The following KANK2 variants were observed in gnomAD, a reference collection of about 807,000 sequenced individuals.
KANK2 encodes the protein KN motif and ankyrin repeat domains 2, also known as KN motif and ankyrin repeat domain-containing protein 2.
Under a neutral mutation model 74.6 loss-of-function variants are expected in KANK2, and 41 were observed. That is an observed-to-expected ratio of 0.55 (90% CI 0.43 to 0.71). The LOEUF (loss-of-function observed/expected upper bound fraction) is 0.71. Among genes scored for constraint, KANK2 ranks in the 30% least tolerant of loss-of-function variants. The pLI, the probability that KANK2 is intolerant of heterozygous loss-of-function variation, is 0.00. For synonymous variants in KANK2, 537 were observed against 519.0 expected, an observed-to-expected ratio of 1.03 and a Z score of -0.47; for missense variants, 1,148 against 1,196.4, an observed-to-expected ratio of 0.96 and a Z score of 0.60.
intron 4 of KANK2, among the ~76,000 whole-genome samples, chr19:11,182,367 A>G (rs1471735373): frequency 6.6e-6 from 1 of 151,888 alleles, no homozygotes; most frequent in Non-Finnish European, 1.5e-5. Flanking sequence ...AAAATTAAAA[A>G]GTTAGCCAGG....
chr19:11,186,351 G>A (rs34797640), intron 4 of KANK2, among the ~76,000 whole-genome samples: 9,996 of 151,902 alleles, frequency 0.066, 378 homozygotes, highest in Admixed American at 0.09. Context: ...TCGCGCCACC[G>A]CACTCCAGCC....
At position 11,193,463 on chromosome 19, in the gene KANK2, A is replaced by T. The variant is rs1286912171; in HGVS notation, c.617T>A (p.Val206Glu). The T allele has an allele frequency of 1.2e-6, 2 of 1,611,444 alleles. No homozygotes were observed. Among genetic ancestry groups the T allele is most frequent in the Non-Finnish European group, 1.7e-6 (2 of 1,179,836 alleles). ...CACCTGGAGCACAGGGATCAGCTTC[A>T]CCTGCTCCTCCAGCTGCCGCAGCTT... ...LRKLRQLEEQ[V>E]KLIPVLQVKL... The change falls in exon 4 of 13, where the codon GTG becomes GAG. Residue 206 changes from valine (V) to glutamate (E), a missense_variant. Coordinates refer to ENST00000586659, the MANE Select transcript of KANK2 (RefSeq NM_001136191.3). The surrounding 1 kb of genome is among the most constrained non-coding windows in gnomAD (Gnocchi z 9.6).
At position 11,191,510 on chromosome 19, in the gene KANK2, C is replaced by T. The variant is rs568411272; in HGVS notation, c.1249+1321G>A. Among the ~76,000 whole-genome samples, 15 of 152,350 alleles carry T rather than the reference C, an allele frequency of 9.8e-5. No individual in the cohort carries two copies. The South Asian group carries it at 3.1e-3, about 32-fold the overall frequency. The stretch of plus-strand genomic sequence containing the variant: ...AGGCCACAGGGCTTGGGTGGGGCTC[C>T]CCTACCCCCGGCGTCCATGGCTAGG... On this transcript the variant is annotated intron_variant, in intron 4 of 12. Coordinates refer to ENST00000586659, the MANE Select transcript of KANK2 (RefSeq NM_001136191.3).
At position 11,193,888 on chromosome 19, in the gene KANK2, C is replaced by T; in HGVS notation, c.192G>A (p.Val64=). ...EKGHTLRRVA[V]QRRPRLSSLP... ...GCGAGCTCAGGCGGGGGCGGCGCTG[C>T]ACTGCCACGCGTCGCAGCGTGTGGC... is the stretch of plus-strand genomic sequence containing the variant. The change falls in exon 4 of 13, where the codon GTG becomes GTA. Residue 64 remains valine (V), a synonymous_variant. Transcript: ENST00000586659. The surrounding 1 kb of genome is among the most constrained non-coding windows in gnomAD (Gnocchi z 9.6). 6.2e-7 allele frequency: 1 copy of T among 1,613,686 alleles called. No homozygotes were observed. The highest frequency in any genetic ancestry group is 1.1e-5 in the South Asian group (1 of 91,082).
rs1555820663 is a variant in KANK2, at chr19:11,193,539, T to C, written c.541A>G (p.Ser181Gly). ...CGCACGTGGGCCAGGTGCCCGGCAC[T>C]GGGAGGCACCGGTGTGGACAGTCCT... ...SSGLSTPVPPSAGHLAHVREQ... is the reference protein window; with the variant it reads ...SSGLSTPVPPGAGHLAHVREQ... The change falls in exon 4 of 13, where the codon AGT becomes GGT. Residue 181 changes from serine to glycine, a missense_variant. By Grantham distance (56) the Ser-to-Gly change is moderately conservative (BLOSUM62 0). Transcript: ENST00000586659. This position sits in a 1 kb window ranked among gnomAD's most constrained non-coding sequence, Gnocchi z 9.6. 5.6e-6 allele frequency: 9 copies of C among 1,606,096 alleles called. No individual in the cohort carries two copies. The Middle Eastern group carries it at 9.9e-4, about 177-fold the overall frequency.
intron 4 of KANK2, among the ~76,000 whole-genome samples, chr19:11,181,400 C>T (rs1015509256): frequency 2.0e-5 from 3 of 151,872 alleles, no homozygotes; most frequent in African/African-American, 4.8e-5. Flanking sequence ...GAGCCAACCA[C>T]CATGCCCGGC....
At chr19:11,185,815 G>A (rs1040072511) in intron 4 of KANK2, among the ~76,000 whole-genome samples, 3 of 152,046 alleles carry the variant, frequency 2.0e-5, no homozygotes, top group Non-Finnish European at 4.4e-5. Flanking sequence ...GGCTGAGGTG[G>A]ATCACTTCAG....
At chr19:11,190,186 G>A (rs34411473) in intron 4 of KANK2, among the ~76,000 whole-genome samples, 10,462 of 151,926 alleles carry the variant, frequency 0.069, 421 homozygotes, top group Admixed American at 0.089. Flanking sequence ...CCAGGCTAGA[G>A]TGCAGTGGTG....
In KANK2 at chr19:11,193,021, C is replaced by T; in HGVS notation, c.1059G>A (p.Arg353=). The T allele has an allele frequency of 6.2e-7, 1 of 1,613,104 alleles. No individual in the cohort carries two copies. The change falls in exon 4 of 13, where the codon CGG becomes CGA. Residue 353 remains arginine, a synonymous_variant. Transcript: ENST00000586659. The surrounding 1 kb of genome is among the most constrained non-coding windows in gnomAD (Gnocchi z 9.6). ...TGCCGTAAGGCTCCAGGCTCTGGGC[C>T]CGCTGTGCGGGGGCGCCAGCGGCTG... ...ASTAAGAPAQ[R]AQSLEPYGTG...
Position 11,193,009 on chromosome 19 carries a change from C to T in KANK2, c.1071G>A (p.Leu357=), listed in dbSNP as rs887414828. Residue 357 remains leucine (L), a synonymous_variant, in exon 4 of 13, where the codon CTG becomes CTA. Coordinates refer to ENST00000586659, the MANE Select transcript of KANK2 (RefSeq NM_001136191.3). The surrounding 1 kb of genome is among the most constrained non-coding windows in gnomAD (Gnocchi z 9.6). The stretch of plus-strand genomic sequence containing the variant: ...CCCTCAGCCCTGTGCCGTAAGGCTC[C>T]AGGCTCTGGGCCCGCTGTGCGGGGG... ...AGAPAQRAQS[L]EPYGTGLRAL... is the part of the protein sequence containing the mutation. 1.9e-6 allele frequency: 3 copies of T among 1,613,650 alleles called. No homozygotes were observed. The highest frequency in any genetic ancestry group is 1.7e-5 in the Admixed American group (1 of 60,014).
In KANK2 at chr19:11,178,432, C is replaced by A; in HGVS notation, c.1433G>T (p.Gly478Val). The A allele has an allele frequency of 6.3e-7, 1 of 1,596,210 alleles. No individual in the cohort carries two copies. The highest frequency in any genetic ancestry group is 1.1e-5 in the South Asian group (1 of 88,732). Residue 478 changes from glycine to valine, a missense_variant, in exon 6 of 13, where the codon GGC becomes GTC. Coordinates refer to ENST00000586659, the MANE Select transcript of KANK2 (RefSeq NM_001136191.3). ...EAGGTGGPPA[G>V]VRSIMKRKEE... ...TTTCCGTTTCATGATAGATCGCACG[C>A]CTGCCGGGGGCCCGCCTGGAGGGGA...
At chr19:11,185,435 C>T (rs891151486) in intron 4 of KANK2, among the ~76,000 whole-genome samples, 2 of 149,168 alleles carry the variant, frequency 1.3e-5, no homozygotes, top group Admixed American at 1.4e-4. Flanking sequence ...TCTGCCTTGG[C>T]CTCCCAAAGT....
chr19:11,182,677 A>G (rs1211465358), intron 4 of KANK2, among the ~76,000 whole-genome samples: 1 of 151,322 alleles, frequency 6.6e-6, no homozygotes, highest in African/African-American at 2.4e-5. Flanking sequence ...CCCCATCTCT[A>G]CTAAAAATAT....
At chr19:11,174,743 G>A in intron 8 of KANK2, 51 bp from the exon 9 acceptor site, 3 of 1,441,170 alleles carry the variant, frequency 2.1e-6, no homozygotes, top group Non-Finnish European at 2.9e-6. Context: ...AGGCCCACTG[G>A]GACACCCCCC....
At chr19:11,194,729 T>G in intron 2 of KANK2, 139 bp from the exon 3 acceptor site, 5 of 484,048 alleles carry the variant, frequency 1.0e-5, no homozygotes, top group East Asian at 7.3e-5. Flanking sequence ...ACACCCAGCC[T>G]GGCTGCGGAA....
Position 11,174,396 on chromosome 19 carries a change from A to G in KANK2, c.2068+77T>C, listed in dbSNP as rs1045912980. ...ATCTTCCCCATCAGATGGGGAGGGC[A>G]GTGTCTTCCCTATCAGACTGGGCAT... On this transcript the variant is annotated intron_variant, in intron 9 of 12. Coordinates refer to ENST00000586659, the MANE Select transcript of KANK2 (RefSeq NM_001136191.3). 2.3e-5 allele frequency: 27 copies of G among 1,165,010 alleles called. No homozygotes were observed. In the African/African-American group the frequency reaches 4.0e-4, roughly 17 times the overall value. 72.2% of individuals were successfully genotyped at this position (1,165,010 alleles called of 1,614,324 possible). A position where few individuals can be genotyped will look rare whatever the true frequency, so the allele number is the denominator to read the frequency against.
intron 10 of KANK2, among the ~76,000 whole-genome samples, chr19:11,171,609 A>T (rs2078175304): frequency 6.6e-6 from 1 of 151,582 alleles, no homozygotes; most frequent in Admixed American, 6.6e-5. Flanking sequence ...CCTGACCTCA[A>T]GCAATTTATC....
In KANK2 at chr19:11,193,974, T is replaced by A; in HGVS notation, c.106A>T (p.Thr36Ser). ...AGGTCCAGGCGGTAGCCATAGGGGG[T>A]CTCCACGGAGTAGGGTGGATCGGGG... Reference protein sequence around the residue: ...KDPDPPYSVETPYGYRLDLDF... With the variant: ...KDPDPPYSVESPYGYRLDLDF... Residue 36 changes from threonine to serine, a missense_variant, in exon 4 of 13, where the codon ACC (threonine) becomes TCC (serine). By Grantham distance (58) the Thr-to-Ser change is moderately conservative. Coordinates refer to ENST00000586659, the MANE Select transcript of KANK2 (RefSeq NM_001136191.3). This position sits in a 1 kb window ranked among gnomAD's most constrained non-coding sequence, Gnocchi z 9.6. The A allele has an allele frequency of 1.9e-6, 3 of 1,613,396 alleles. No homozygotes were observed. The highest frequency in any genetic ancestry group is 2.5e-6 in the Non-Finnish European group (3 of 1,179,806).
intron 4 of KANK2, among the ~76,000 whole-genome samples, chr19:11,179,681 G>A (rs1194596469): frequency 6.6e-6 from 1 of 151,478 alleles, no homozygotes; most frequent in Middle Eastern, 3.4e-3. Context: ...CTAAAAAAAC[G>A]AAACGAAACA....
Sources: gnomAD v4.1 joint callset for allele counts (sites outside exome capture counted in the v4.1 genomes callset) on GRCh38, gnomAD v4.1.1 for gene constraint, Gnocchi (gnomAD v3.1) non-coding constraint, MANE v1.5 for transcripts, NCBI Gene and HGNC (gene_info 2026-07-23, HGNC 2026-07-21) for gene names.